MYO18B: variants seen among roughly 807,000 people sequenced by gnomAD.
The protein encoded by MYO18B is unconventional myosin-XVIIIb.
In MYO18B, 204 loss-of-function variants were observed where a neutral mutation model predicts 273.0. The ratio of observed to expected loss-of-function variants is 0.75; its 90% CI spans 0.67 to 0.84. The LOEUF (loss-of-function observed/expected upper bound fraction) is 0.84. MYO18B is among the 40% of genes least tolerant of loss of function. The pLI is 0.00. For synonymous variants in MYO18B, 1,330 were observed against 1,305.7 expected (o/e 1.02, Z -0.40); for missense variants, 3,212 against 3,287.6 (o/e 0.98, Z 0.56).
At chr22:25,813,620 C>T (rs2145840835) in intron 12 of MYO18B, among the ~76,000 whole-genome samples, 1 of 152,286 alleles carries the variant, frequency 6.6e-6, no homozygotes, top group East Asian at 1.9e-4. Context: ...ATGGCAAAGA[C>T]ACAGTGGCTT....
At chr22:25,771,983 G>A (rs2086736818) in intron 6 of MYO18B, among the ~76,000 whole-genome samples, 1 of 152,202 alleles carries the variant, frequency 6.6e-6, no homozygotes, top group South Asian at 2.1e-4. Flanking sequence ...GCGGATGCTC[G>A]CACACACTGG....
At chr22:25,788,497 G>T (rs1036842999) in intron 11 of MYO18B, among the ~76,000 whole-genome samples, 2 of 152,228 alleles carry the variant, frequency 1.3e-5, no homozygotes, top group African/African-American at 4.8e-5. Flanking sequence ...AGGGCAGGCT[G>T]CCTGGAGGAG....
intron 37 of MYO18B, among the ~76,000 whole-genome samples, chr22:25,950,791 C>CT (rs2092784300): frequency 6.6e-6 from 1 of 152,082 alleles, no homozygotes; most frequent in African/African-American, 2.4e-5. Context: ...AGGCTGGTCT[C>CT]TAACTCCTGA....
At chr22:25,954,886 A>G (rs2092831027) in intron 38 of MYO18B, among the ~76,000 whole-genome samples, 1 of 151,776 alleles carries the variant, frequency 6.6e-6, no homozygotes, top group Non-Finnish European at 1.5e-5. Flanking sequence ...TAATTTTTGT[A>G]TTTCTTAGAG....
Position 25,773,943 on chromosome 22 carries a change from C to T in MYO18B, c.1869+1433C>T, listed in dbSNP as rs147614587. Among the ~76,000 whole-genome samples, 282 of 152,206 alleles carry T rather than the reference C, an allele frequency of 1.9e-3. 2 individuals are homozygous for T. Among genetic ancestry groups the T allele is most frequent in the East Asian group, 9.8e-3 (51 of 5,182 alleles). On this transcript the variant is annotated intron_variant, in intron 7 of 43. Transcript: ENST00000335473. ...GCTCAGTGGAGGCAGGGAGGCCTGT[C>T]GGAGGTGAGACATCTTACCTGTGTG...
At chr22:25,754,253 T>G (rs915071115) in intron 1 of MYO18B, among the ~76,000 whole-genome samples, 2 of 152,084 alleles carry the variant, frequency 1.3e-5, no homozygotes, top group Non-Finnish European at 2.9e-5. Flanking sequence ...GGAAAAGCAT[T>G]TGAGGCAGAG....
rs4049349 is a variant in MYO18B, at chr22:25,876,003, C to CGTGT, written c.4081-147_4081-144dup. Among the ~76,000 whole-genome samples, 9,771 of 139,868 alleles carry CGTGT rather than the reference C, an allele frequency of 0.07. 411 individuals are homozygous for CGTGT. The highest frequency in any genetic ancestry group is 0.14 in the East Asian group (668 of 4,698). The allele number at this position is 139,868 out of a possible 152,430, so 91.8% of individuals were successfully genotyped here. A position where few individuals can be genotyped will look rare whatever the true frequency, so the allele number is the denominator to read the frequency against. ...CAAAAAGACTACAAGAAAGGAAGCCCGTGTGTGTGTGTGTGTGTGTGTGTG... is the reference window on the plus strand; with the variant it reads ...CAAAAAGACTACAAGAAAGGAAGCCCGTGTGTGTGTGTGTGTGTGTGTGTGTGTG... On this transcript the variant is annotated intron_variant, in intron 23 of 43. Coordinates refer to ENST00000335473, the MANE Select transcript of MYO18B (RefSeq NM_032608.7).
the MYO18B span, among the ~76,000 whole-genome samples, chr22:26,038,567 C>T: frequency 6.6e-6 from 1 of 152,144 alleles, no homozygotes; most frequent in Admixed American, 6.5e-5. Context: ...CTCCTCCTAC[C>T]ACATGCATAT....
chr22:25,965,436 G>C (rs2146705290), intron 39 of MYO18B, among the ~76,000 whole-genome samples: 1 of 152,294 alleles, frequency 6.6e-6, no homozygotes, highest in African/African-American at 2.4e-5. Flanking sequence ...CAGGAAAAAA[G>C]ATCGGGGCGG....
intron 12 of MYO18B, among the ~76,000 whole-genome samples, chr22:25,805,198 G>C (rs948314015): frequency 2.6e-5 from 4 of 152,088 alleles, no homozygotes; most frequent in Admixed American, 1.3e-4. Flanking sequence ...CATCCCATTC[G>C]CTCCTCCAGA....
chr22:25,849,385 A>G (rs1237194018), intron 20 of MYO18B, among the ~76,000 whole-genome samples: 2 of 152,058 alleles, frequency 1.3e-5, no homozygotes, highest in Non-Finnish European at 2.9e-5. Context: ...ATTGTAAGTC[A>G]TGTTTGTCTC....
downstream of MYO18B, among the ~76,000 whole-genome samples, chr22:26,031,203 T>TTA (rs1465922632): frequency 6.6e-6 from 1 of 152,166 alleles, no homozygotes; most frequent in African/African-American, 2.4e-5. Flanking sequence ...CCCACTAGCA[T>TTA]AGACTCCATA....
At chr22:25,746,422 C>T (rs1012591290) in intron 1 of MYO18B, among the ~76,000 whole-genome samples, 2 of 152,154 alleles carry the variant, frequency 1.3e-5, no homozygotes, top group Non-Finnish European at 2.9e-5. Flanking sequence ...CCAGTGTCAG[C>T]GTAGACACTA....
chr22:25,876,184 T>A lies in MYO18B; in HGVS notation c.4081-5T>A. ...CCCTCCAGTCTGTGTTCTCCTTCCC[T>A]GCAGATTCGCCGACTGGCTGCACAG... On this transcript the variant is annotated splice_polypyrimidine_tract_variant and splice_region_variant and intron_variant, in intron 23 of 43. Transcript: ENST00000335473. The A allele has an allele frequency of 6.2e-7, 1 of 1,609,952 alleles. No homozygotes were observed. The highest frequency in any genetic ancestry group is 8.5e-7 in the Non-Finnish European group (1 of 1,177,942).
At chr22:26,019,150 TCTG>T (rs1305724165) in intron 42 of MYO18B, among the ~76,000 whole-genome samples, 1 of 152,212 alleles carries the variant, frequency 6.6e-6, no homozygotes, top group East Asian at 1.9e-4. Context: ...CAGCCCATCT[TCTG>T]CTGCTATGTG....
chr22:26,036,233 C>T, the MYO18B span, among the ~76,000 whole-genome samples: 4 of 152,206 alleles, frequency 2.6e-5, no homozygotes, highest in African/African-American at 9.7e-5. Context: ...CTCCCTGGAC[C>T]TGGTTGCTTA....
At chr22:25,986,210 C>T (rs2093200860) in intron 39 of MYO18B, among the ~76,000 whole-genome samples, 1 of 152,216 alleles carries the variant, frequency 6.6e-6, no homozygotes, top group African/African-American at 2.4e-5. Flanking sequence ...GAGCCTCAGC[C>T]TGCTCATCTG....
At position 25,847,908 on chromosome 22, in the gene MYO18B, G is replaced by GT. The variant is rs367899369; in HGVS notation, c.3775+267dup. On this transcript the variant is annotated intron_variant, in intron 20 of 43. Transcript: ENST00000335473. Reference sequence around the variant, plus strand: ...GCTCTCTTTGAGTCTGAAGCCCACTGTTTTTTTTTTTCTTTATTTCTTCTG... The same window carrying GT: ...GCTCTCTTTGAGTCTGAAGCCCACTGTTTTTTTTTTTTCTTTATTTCTTCTG... Among the ~76,000 whole-genome samples the GT allele has an allele frequency of 0.071, 10,249 of 145,224 alleles. 906 individuals carry two copies. Among genetic ancestry groups the GT allele is most frequent in the African/African-American group, 0.21 (8,230 of 39,708 alleles).
chr22:25,965,753 A>T (rs575103749), intron 39 of MYO18B, among the ~76,000 whole-genome samples: 1 of 152,214 alleles, frequency 6.6e-6, no homozygotes, highest in South Asian at 2.1e-4. Context: ...ATTTAGTTGT[A>T]AGCTTGTATC....
Sources: allele counts gnomAD v4.1 joint callset (sites outside exome capture counted in the v4.1 genomes callset), GRCh38; gene constraint gnomAD v4.1.1; transcripts MANE v1.5; gene names NCBI Gene and HGNC (gene_info 2026-07-23, HGNC 2026-07-21).